Variants in CCDC15 observed in about 807,000 individuals in gnomAD.
The protein encoded by CCDC15 is coiled-coil domain containing 15, also known as coiled-coil domain-containing protein 15.
CCDC15 carries 105 observed loss-of-function variants against 114.5 expected under a neutral mutation model. The observed-to-expected ratio is 0.92, with a 90% CI of 0.78 to 1.08. The LOEUF (loss-of-function observed/expected upper bound fraction) is 1.08, where lower values mean the gene tolerates loss of function less well. Ranked by LOEUF, CCDC15 falls within the 50% of genes least tolerant of loss-of-function variation. The pLI is 0.00. For missense variants in CCDC15, 1,105 were observed against 1,093.6 expected, an observed-to-expected ratio of 1.01 and a Z score of -0.15; for synonymous variants, 334 against 377.8, an observed-to-expected ratio of 0.88 and a Z score of 1.34.
intron 13 of CCDC15, among the ~76,000 whole-genome samples, chr11:125,023,130 T>C (rs1379022329): frequency 1.3e-5 from 2 of 151,970 alleles, no homozygotes; most frequent in African/African-American, 2.4e-5. Context: ...AGAAAGATTA[T>C]AATTTTAAGT....
chr11:125,003,990 T>C, intron 12 of CCDC15, 31 bp downstream of exon 12: 1 of 1,101,678 alleles, frequency 9.1e-7, no homozygotes, highest in Non-Finnish European at 1.3e-6. Flanking sequence ...TGGATCCCAA[T>C]ATTTCTACTA....
intron 5 of CCDC15, among the ~76,000 whole-genome samples, chr11:124,976,758 G>A (rs577112593): frequency 2.0e-5 from 3 of 152,140 alleles, no homozygotes; most frequent in African/African-American, 7.2e-5. Context: ...TCCAATAGAC[G>A]GGAGGATTAA....
intron 2 of CCDC15, among the ~76,000 whole-genome samples, chr11:124,956,637 A>G (rs115103436): frequency 0.015 from 2,256 of 152,356 alleles, 60 homozygotes; most frequent in African/African-American, 0.051. Context: ...CTATGTTAAG[A>G]AGTATTGACT....
intron 13 of CCDC15, among the ~76,000 whole-genome samples, chr11:125,033,992 G>C (rs1162052195): frequency 6.6e-6 from 1 of 152,136 alleles, no homozygotes; most frequent in African/African-American, 2.4e-5. Context: ...TCACTTCTAG[G>C]AGCCTGCTAG....
intron 5 of CCDC15, among the ~76,000 whole-genome samples, chr11:124,976,068 A>G (rs1947967788): frequency 6.6e-6 from 1 of 151,824 alleles, no homozygotes; most frequent in Non-Finnish European, 1.5e-5. Context: ...ATCTAGTAAA[A>G]TAGACCATTA....
chr11:124,984,122 A>G (rs939565272), intron 6 of CCDC15, among the ~76,000 whole-genome samples: 3 of 152,126 alleles, frequency 2.0e-5, no homozygotes, highest in African/African-American at 7.2e-5. Context: ...GCATGGTGGG[A>G]TGCATGCACA....
intron 6 of CCDC15, among the ~76,000 whole-genome samples, chr11:124,982,023 G>A (rs1948080926): frequency 6.6e-6 from 1 of 152,012 alleles, no homozygotes; most frequent in Admixed American, 6.5e-5. Context: ...GTTCAATTGA[G>A]CTTTTTACTA....
chr11:125,039,034 G>T lies in CCDC15; in HGVS notation c.2699G>T (p.Cys900Phe), dbSNP rs1332110173. ...TTTTGGGATGCTCATCCTGATACCT[G>T]TGCCAACAACTGTATTTTCTATAAA... The part of the protein sequence containing the change: ...PDFWDAHPDT[C>F]ANNCIFYKNH... The change falls in exon 15 of 16, where the codon TGT becomes TTT. Residue 900 changes from cysteine to phenylalanine, a missense_variant. Physicochemically the swap from Cys to Phe is radical, Grantham distance 205 (BLOSUM62 -2). Coordinates refer to ENST00000344762, the MANE Select transcript of CCDC15 (RefSeq NM_025004.3). The T allele has an allele frequency of 1.2e-6, 2 of 1,606,970 alleles. No individual in the cohort carries two copies. The highest frequency in any genetic ancestry group is 2.7e-5 in the African/African-American group (2 of 74,756).
chr11:124,954,281 C>T lies in CCDC15; in HGVS notation c.-99C>T, dbSNP rs760350776. 1 of 157,774 alleles carries T rather than the reference C, an allele frequency of 6.3e-6. No homozygotes were observed. Among genetic ancestry groups the T allele is most frequent in the Non-Finnish European group, 1.4e-5 (1 of 71,066 alleles). The allele number at this position is 157,774 out of a possible 1,614,324, so 9.8% of individuals were successfully genotyped here. ...GGAGCAGGCCTCGGGGCCTCAGAAG[C>T]AGGCTTTTATCTGGCCCGAGGCTCC... On this transcript the variant is annotated 5_prime_UTR_variant, in exon 1 of 16. Transcript: ENST00000344762.
rs150952038 is a variant in CCDC15 at position 125,019,450 on chromosome 11, T to G, written c.2411+14238T>G. Among the ~76,000 whole-genome samples the G allele has an allele frequency of 9.1e-3, 1,390 of 152,028 alleles. 19 individuals carry two copies. Among genetic ancestry groups the G allele is most frequent in the African/African-American group, 0.032 (1,326 of 41,494 alleles). ...GATGAGAAAATGAGCCCTAGAAAGG[T>G]TAGGTAATTTGCCTAGGATTAAGGG... is the stretch of plus-strand genomic sequence containing the variant. On this transcript the variant is annotated intron_variant, in intron 13 of 15. Coordinates refer to ENST00000344762, the MANE Select transcript of CCDC15 (RefSeq NM_025004.3).
intron 4 of CCDC15, among the ~76,000 whole-genome samples, chr11:124,962,498 A>G (rs1017455354): frequency 2.6e-5 from 4 of 152,220 alleles, no homozygotes; most frequent in African/African-American, 9.6e-5. Flanking sequence ...TGAGGTATCC[A>G]TATCTGTCCA....
intron 6 of CCDC15, among the ~76,000 whole-genome samples, chr11:124,977,926 G>A (rs562147484): frequency 1.4e-4 from 21 of 150,150 alleles, no homozygotes; most frequent in Admixed American, 1.3e-3. Context: ...TAAATTGCAT[G>A]TTACAGGGGT....
At chr11:125,034,783 A>C (rs138268577) in intron 13 of CCDC15, among the ~76,000 whole-genome samples, 29 of 152,222 alleles carry the variant, frequency 1.9e-4, no homozygotes, top group African/African-American at 5.1e-4. Flanking sequence ...TTTGGAGTCT[A>C]ATCATATTTA....
chr11:125,004,545 C>T (rs1478948104), intron 12 of CCDC15, among the ~76,000 whole-genome samples: 3 of 151,936 alleles, frequency 2.0e-5, no homozygotes, highest in Admixed American at 2.0e-4. Flanking sequence ...GCTTTTTGCT[C>T]ATCGAATAGC....
chr11:124,963,263 G>A (rs1947707345), intron 4 of CCDC15, among the ~76,000 whole-genome samples: 1 of 152,186 alleles, frequency 6.6e-6, no homozygotes, highest in African/African-American at 2.4e-5. Context: ...CACCAACAGT[G>A]TAAAAGTGTT....
chr11:125,005,619 G>T (rs1451754945), intron 13 of CCDC15, among the ~76,000 whole-genome samples: 1 of 152,064 alleles, frequency 6.6e-6, no homozygotes, highest in Non-Finnish European at 1.5e-5. Context: ...GGCATTCTAT[G>T]GGTTTTGACA....
intron 11 of CCDC15, among the ~76,000 whole-genome samples, chr11:125,001,454 A>G (rs1948481385): frequency 6.6e-6 from 1 of 152,244 alleles, no homozygotes; most frequent in African/African-American, 2.4e-5. Flanking sequence ...TTTAGTATTC[A>G]CAGGGTTGTG....
intron 13 of CCDC15, among the ~76,000 whole-genome samples, chr11:125,007,351 G>A (rs749457843): frequency 4.6e-5 from 7 of 152,084 alleles, no homozygotes; most frequent in Non-Finnish European, 7.4e-5. Flanking sequence ...TCTGTGCCTG[G>A]CTTATTTGAT....
In CCDC15 at chr11:124,957,086, G is replaced by A. The variant is rs12420015; in HGVS notation, c.178-2029G>A. On this transcript the variant is annotated intron_variant, in intron 2 of 15. Coordinates refer to ENST00000344762, the MANE Select transcript of CCDC15 (RefSeq NM_025004.3). ...TAATTTGTTCTGGTTACCTTTTGCT[G>A]TGTAACCAACCACCCCAGAACTTAG... is the stretch of plus-strand genomic sequence containing the variant. Among the ~76,000 whole-genome samples, 626 of 152,304 alleles carry A rather than the reference G, an allele frequency of 4.1e-3. 1 individual carries two copies. The highest frequency in any genetic ancestry group is 0.013 in the Admixed American group (204 of 15,304).
Sources: gnomAD v4.1 joint callset for allele counts (sites outside exome capture counted in the v4.1 genomes callset) on GRCh38, gnomAD v4.1.1 for gene constraint, MANE v1.5 for transcripts, NCBI Gene and HGNC (gene_info 2026-07-23, HGNC 2026-07-21) for gene names.